MYO1H: variants seen among roughly 807,000 people sequenced by gnomAD.
The protein encoded by MYO1H is unconventional myosin-Ih.
Under a neutral mutation model 149.3 loss-of-function variants are expected in MYO1H, and 118 were observed. That is an observed-to-expected ratio of 0.79 (90% CI 0.68 to 0.92). MYO1H has a LOEUF of 0.92. Among genes scored for constraint, MYO1H ranks in the 40% least tolerant of loss-of-function variants. The probability of loss-of-function intolerance (pLI) is 0.00; values close to 1 mark genes in which losing one functional copy is unlikely to be tolerated. For missense variants in MYO1H, 1,212 were observed against 1,280.7 expected (o/e 0.95, Z 0.82); for synonymous variants, 447 against 465.2 (o/e 0.96, Z 0.50).
In MYO1H at chr12:109,443,150, G is replaced by GTA. The variant is rs201198234; in HGVS notation, c.2689-362_2689-361dup. ...CGTATATATGTGTGTATATGTGTAC[G>GTA]TATGTGTGTGTATATGTGTACGTAT... On this transcript the variant is annotated intron_variant, in intron 27 of 31. Transcript: ENST00000310903. Among the ~76,000 whole-genome samples the GTA allele has an allele frequency of 3.2e-3, 213 of 66,478 alleles. 10 individuals carry two copies. The highest frequency in any genetic ancestry group is 0.014 in the Middle Eastern group (2 of 144). 43.6% of individuals were successfully genotyped at this position (66,478 alleles called of 152,430 possible). A position where few individuals can be genotyped will look rare whatever the true frequency, so the allele number is the denominator to read the frequency against.
the MYO1H span, among the ~76,000 whole-genome samples, chr12:109,311,867 G>C: frequency 6.6e-6 from 1 of 152,156 alleles, no homozygotes; most frequent in East Asian, 1.9e-4. Context: ...GCAGAAGAAA[G>C]AAAAAGCAAT....
At chr12:109,316,222 C>A in the MYO1H span, among the ~76,000 whole-genome samples, 2 of 152,246 alleles carry the variant, frequency 1.3e-5, no homozygotes, top group East Asian at 3.9e-4. Context: ...TTAAATAGTT[C>A]ATTGCTCAAC....
intron 12 of MYO1H, 106 bp downstream of exon 12, chr12:109,410,174 C>T: frequency 1.8e-6 from 1 of 551,642 alleles, no homozygotes; most frequent in Non-Finnish European, 2.9e-6. Flanking sequence ...CAAGATCTCA[C>T]TCTGTCGCCC....
chr12:109,348,280 C>G (rs542184578), intron 1 of MYO1H, among the ~76,000 whole-genome samples: 3 of 152,302 alleles, frequency 2.0e-5, no homozygotes, highest in African/African-American at 7.2e-5. Flanking sequence ...TTAGCACTGC[C>G]TAATGCAAGA....
At chr12:109,358,846 T>TAAAAAAAAAAAAAA (rs541289093) in intron 1 of MYO1H, among the ~76,000 whole-genome samples, 29 of 84,534 alleles carry the variant, frequency 3.4e-4, no homozygotes, top group African/African-American at 1.5e-3. Flanking sequence ...CCTGTGGTGT[T>TAAAAAAAAAAAAAA]AAAAAAAAAA....
the MYO1H span, among the ~76,000 whole-genome samples, chr12:109,335,127 TA>T: frequency 2.0e-5 from 3 of 152,212 alleles, no homozygotes; most frequent in Non-Finnish European, 4.4e-5. Context: ...TAGTCTATTA[TA>T]ATAATATGTC....
At chr12:109,362,343 T>A (rs999523323) in intron 1 of MYO1H, among the ~76,000 whole-genome samples, 4 of 152,236 alleles carry the variant, frequency 2.6e-5, no homozygotes, top group Admixed American at 2.6e-4. Context: ...GAATCTGTTT[T>A]TCTTCTGCAT....
intron 5 of MYO1H, among the ~76,000 whole-genome samples, chr12:109,398,952 G>A (rs912385851): frequency 2.6e-5 from 4 of 151,976 alleles, no homozygotes; most frequent in South Asian, 2.1e-4. Flanking sequence ...GTGAATGAGC[G>A]TAGCTGTGTT....
chr12:109,334,827 GT>G, the MYO1H span, among the ~76,000 whole-genome samples: 539 of 152,246 alleles, frequency 3.5e-3, 5 homozygotes, highest in Middle Eastern at 6.8e-3. Flanking sequence ...TGTACAATAG[GT>G]TGTAAAAGGG....
At chr12:109,400,219 T>C (rs922286351) in intron 5 of MYO1H, among the ~76,000 whole-genome samples, 2 of 152,326 alleles carry the variant, frequency 1.3e-5, no homozygotes, top group Admixed American at 1.3e-4. Flanking sequence ...CCGTGACATA[T>C]AGCACTTTGA....
intron 1 of MYO1H, among the ~76,000 whole-genome samples, chr12:109,385,171 A>G (rs1869277219): frequency 6.6e-6 from 1 of 152,190 alleles, no homozygotes; most frequent in Non-Finnish European, 1.5e-5. Flanking sequence ...CCAGGAAGCA[A>G]CAGAGATAGG....
chr12:109,383,128 C>G lies in MYO1H; in HGVS notation c.13-5555C>G, dbSNP rs182899857. On this transcript the variant is annotated intron_variant, in intron 1 of 31. Coordinates refer to ENST00000310903, the Ensembl canonical transcript of MYO1H. The stretch of plus-strand genomic sequence containing the variant: ...GGGCAACCCAGTGAAACTCTCACCC[C>G]CTACTTCAATCAGAAAGGTCTGCTT... Among the ~76,000 whole-genome samples, 222 of 152,196 alleles carry G rather than the reference C, an allele frequency of 1.5e-3. 1 individual carries two copies. Among genetic ancestry groups the G allele is most frequent in the African/African-American group, 5.1e-3 (213 of 41,552 alleles).
chr12:109,401,402 C>T, intron 6 of MYO1H, 130 bp downstream of exon 6: 1 of 905,434 alleles, frequency 1.1e-6, no homozygotes, highest in East Asian at 2.7e-5. Flanking sequence ...GCTGATTTCT[C>T]CATATATATA....
chr12:109,423,195 G>A (rs539400170), intron 16 of MYO1H, among the ~76,000 whole-genome samples: 38 of 152,216 alleles, frequency 2.5e-4, no homozygotes, highest in South Asian at 1.5e-3. Context: ...GTCTCACTCT[G>A]TCACCCAGGC....
intron 15 of MYO1H, among the ~76,000 whole-genome samples, chr12:109,420,678 G>A (rs1871134700): frequency 6.6e-6 from 1 of 152,046 alleles, no homozygotes. Context: ...TGAGATTTGG[G>A]CGAGGGCACA....
At chr12:109,364,171 TAAAAAAAA>T (rs746308903) in intron 1 of MYO1H, among the ~76,000 whole-genome samples, 1 of 90,266 alleles carries the variant, frequency 1.1e-5, no homozygotes, top group Non-Finnish European at 2.2e-5. Context: ...ACCATGTCTT[TAAAAAAAA>T]AAAAAAAAAA....
At chr12:109,388,590 C>G in intron 1 of MYO1H, 93 bp from the exon 2 acceptor site, 1 of 1,190,944 alleles carries the variant, frequency 8.4e-7, no homozygotes, top group Non-Finnish European at 1.1e-6. Context: ...CTCTACTATC[C>G]CAGGGTTTAG....
the MYO1H span, among the ~76,000 whole-genome samples, chr12:109,318,926 G>GAA: frequency 7.0e-6 from 1 of 142,540 alleles, no homozygotes. Context: ...GAGGGGAGGG[G>GAA]AAATCAGGTG....
At chr12:109,444,458 C>T (rs372628699) in exon 30 of MYO1H, 38 of 1,613,760 alleles carry the variant, frequency 2.4e-5, no homozygotes, top group Middle Eastern at 1.6e-4. Flanking sequence ...AGTGTGGACA[C>T]GTGTTTGAAG....
Sources: gnomAD v4.1 joint callset for allele counts (sites outside exome capture counted in the v4.1 genomes callset) on GRCh38, gnomAD v4.1.1 for gene constraint, MANE v1.5 for transcripts, NCBI Gene and HGNC (gene_info 2026-07-23, HGNC 2026-07-21) for gene names.